The following NKAIN2 variants were observed in gnomAD, a reference collection of about 807,000 sequenced individuals.
NKAIN2 encodes sodium/potassium-transporting ATPase subunit beta-1-interacting protein 2.
Under a neutral mutation model 32.6 loss-of-function variants are expected in NKAIN2, and 14 were observed. The observed-to-expected ratio is 0.43, with a 90% CI of 0.28 to 0.67. The LOEUF (loss-of-function observed/expected upper bound fraction) is 0.67, where lower values mean the gene tolerates loss of function less well. Ranked by LOEUF, NKAIN2 falls within the 30% of genes least tolerant of loss-of-function variation. NKAIN2 has a pLI of 0.17. For missense variants in NKAIN2, 198 were observed against 258.3 expected (o/e 0.77, Z 1.60); for synonymous variants, 80 against 87.2 (o/e 0.92, Z 0.46).
intron 3 of NKAIN2, among the ~76,000 whole-genome samples, chr6:124,371,246 T>C (rs1799747643): frequency 2.0e-5 from 3 of 151,994 alleles, no homozygotes; most frequent in Non-Finnish European, 4.4e-5. Flanking sequence ...ACAGCAATAA[T>C]GGGTCTGAAA....
chr6:124,705,009 C>T (rs1774984069), intron 4 of NKAIN2, among the ~76,000 whole-genome samples: 1 of 151,952 alleles, frequency 6.6e-6, no homozygotes, highest in Non-Finnish European at 1.5e-5. Flanking sequence ...AATCTACCCT[C>T]TTTTCTTTAA....
intron 2 of NKAIN2, among the ~76,000 whole-genome samples, chr6:124,349,439 G>T (rs1004092902): frequency 6.8e-6 from 1 of 147,408 alleles, no homozygotes; most frequent in Non-Finnish European, 1.5e-5. Context: ...ATATTGGTGA[G>T]CTGATACTAG....
At chr6:123,838,886 C>T (rs1774743349) in intron 1 of NKAIN2, among the ~76,000 whole-genome samples, 1 of 152,170 alleles carries the variant, frequency 6.6e-6, no homozygotes. Flanking sequence ...AAAATCTATT[C>T]TTTCTCCCTT....
At chr6:124,610,494 T>C (rs574134469) in intron 3 of NKAIN2, among the ~76,000 whole-genome samples, 11 of 152,336 alleles carry the variant, frequency 7.2e-5, no homozygotes, top group African/African-American at 2.6e-4. Flanking sequence ...TTCAGAGTGA[T>C]ACTGTCTATG....
intron 3 of NKAIN2, among the ~76,000 whole-genome samples, chr6:124,431,305 A>G (rs1043943310): frequency 6.6e-6 from 1 of 152,080 alleles, no homozygotes; most frequent in Admixed American, 6.6e-5. Flanking sequence ...CTTTCTATTT[A>G]TGCCTTATTT....
chr6:124,680,123 T>C (rs1383549022), intron 4 of NKAIN2, among the ~76,000 whole-genome samples: 2 of 152,174 alleles, frequency 1.3e-5, no homozygotes, highest in Non-Finnish European at 2.9e-5. Flanking sequence ...AATTCCTCCA[T>C]AATAATCTGG....
At chr6:123,819,215 A>G (rs1489018942) in intron 1 of NKAIN2, among the ~76,000 whole-genome samples, 2 of 152,174 alleles carry the variant, frequency 1.3e-5, no homozygotes, top group African/African-American at 4.8e-5. Context: ...GGTGAAAAGC[A>G]GGAGTCTTCC....
At chr6:124,192,537 T>C (rs1790070925) in intron 1 of NKAIN2, among the ~76,000 whole-genome samples, 1 of 152,194 alleles carries the variant, frequency 6.6e-6, no homozygotes, top group Non-Finnish European at 1.5e-5. Context: ...GAATATTCTC[T>C]GTACACTTGA....
intron 1 of NKAIN2, among the ~76,000 whole-genome samples, chr6:123,893,095 A>C (rs1774098235): frequency 6.6e-6 from 1 of 152,054 alleles, no homozygotes; most frequent in Admixed American, 6.6e-5. Flanking sequence ...CTGCTCTTTC[A>C]CTGAAACTCA....
At chr6:124,213,549 G>A (rs1035512041) in intron 1 of NKAIN2, among the ~76,000 whole-genome samples, 1 of 152,010 alleles carries the variant, frequency 6.6e-6, no homozygotes, top group African/African-American at 2.4e-5. Context: ...GAAGAGTTTA[G>A]ATAAGTTATA....
At chr6:124,362,891 T>C (rs943976210) in intron 3 of NKAIN2, among the ~76,000 whole-genome samples, 4 of 152,102 alleles carry the variant, frequency 2.6e-5, no homozygotes, top group Non-Finnish European at 4.4e-5. Context: ...CTGTAGTACA[T>C]TGGTGCACTC....
chr6:124,706,744 C>T (rs1036197040), intron 4 of NKAIN2, among the ~76,000 whole-genome samples: 6 of 152,142 alleles, frequency 3.9e-5, no homozygotes, highest in African/African-American at 1.4e-4. Context: ...GACTCCACTG[C>T]TTAATCTGGC....
chr6:124,805,101 C>A (rs1381987202), intron 5 of NKAIN2, among the ~76,000 whole-genome samples: 3 of 152,100 alleles, frequency 2.0e-5, no homozygotes, highest in African/African-American at 7.2e-5. Flanking sequence ...CCTCTGCAGA[C>A]TTAAATGTCC....
chr6:124,773,891 G>T (rs1011560827), intron 4 of NKAIN2, among the ~76,000 whole-genome samples: 3 of 152,170 alleles, frequency 2.0e-5, no homozygotes, highest in African/African-American at 7.2e-5. Context: ...CCTAAAAGCT[G>T]CCATGGGCTT....
intron 1 of NKAIN2, among the ~76,000 whole-genome samples, chr6:124,272,277 C>T (rs1478925350): frequency 6.6e-6 from 1 of 152,160 alleles, no homozygotes; most frequent in African/African-American, 2.4e-5. Flanking sequence ...ATGGGCTGGT[C>T]CCAGGGCTCT....
intron 3 of NKAIN2, among the ~76,000 whole-genome samples, chr6:124,476,835 C>A (rs1777236571): frequency 6.6e-6 from 1 of 152,016 alleles, no homozygotes; most frequent in Admixed American, 6.6e-5. Context: ...GCACAGATAC[C>A]CCAAGGTCCC....
At chr6:123,859,011 A>G (rs946158927) in intron 1 of NKAIN2, among the ~76,000 whole-genome samples, 31 of 152,340 alleles carry the variant, frequency 2.0e-4, no homozygotes, top group African/African-American at 7.5e-4. Flanking sequence ...GTGCATATGT[A>G]TAACTTAAAC....
At chr6:124,342,814 T>TTTATTATTATTATTA (rs56290836) in intron 2 of NKAIN2, among the ~76,000 whole-genome samples, 113 of 145,492 alleles carry the variant, frequency 7.8e-4, no homozygotes, top group African/African-American at 2.7e-3. Flanking sequence ...CAGAAGATGT[T>TTTATTATTATTATTA]TTATTATTAT....
intron 3 of NKAIN2, among the ~76,000 whole-genome samples, chr6:124,528,538 A>G (rs970705449): frequency 2.6e-5 from 4 of 152,222 alleles, no homozygotes; most frequent in Admixed American, 2.0e-4. Context: ...AAACTAGCTT[A>G]TAATAGTTTC....
Sources: allele counts gnomAD v4.1 joint callset (sites outside exome capture counted in the v4.1 genomes callset), GRCh38; gene constraint gnomAD v4.1.1; transcripts MANE v1.5; gene names NCBI Gene and HGNC (gene_info 2026-07-23, HGNC 2026-07-21).